The following INSIG1 variants were observed in gnomAD, a reference collection of about 807,000 sequenced individuals.
INSIG1 encodes the protein insulin-induced gene 1 protein.
A neutral mutation model predicts 26.5 loss-of-function variants in INSIG1; 14 were observed. That is an observed-to-expected ratio of 0.53 (90% CI 0.35 to 0.83). The LOEUF (loss-of-function observed/expected upper bound fraction) is 0.83, where lower values mean the gene tolerates loss of function less well. INSIG1 is among the 40% of genes least tolerant of loss of function. The pLI, the probability that INSIG1 is intolerant of heterozygous loss-of-function variation, is 0.01. For synonymous variants in INSIG1, 147 were observed against 153.3 expected, an observed-to-expected ratio of 0.96 and a Z score of 0.30; for missense variants, 272 against 368.9, an observed-to-expected ratio of 0.74 and a Z score of 2.15.
At chr7:155,307,302 G>A (rs550290661) in intron 5 of INSIG1, among the ~76,000 whole-genome samples, 28 of 152,320 alleles carry the variant, frequency 1.8e-4, no homozygotes, top group Non-Finnish European at 3.2e-4. Flanking sequence ...TCAGATGAGA[G>A]GCTCTTGCTG....
At chr7:155,305,140 T>C in intron 5 of INSIG1, among the ~76,000 whole-genome samples, 1 of 145,538 alleles carries the variant, frequency 6.9e-6, no homozygotes, top group East Asian at 2.0e-4. Flanking sequence ...AGCAAGACTC[T>C]GTCTCAAAAA....
intron 2 of INSIG1, among the ~76,000 whole-genome samples, 163 bp downstream of exon 2, chr7:155,298,860 G>T (rs1797708425): frequency 6.6e-6 from 1 of 152,250 alleles, no homozygotes; most frequent in Non-Finnish European, 1.5e-5. Flanking sequence ...GGGGTAGAGA[G>T]GACCTGGCAC....
rs2150904894 is a variant in INSIG1 at position 155,309,657 on chromosome 7, G to A, written c.*1387G>A. On this transcript the variant is annotated 3_prime_UTR_variant, in exon 6 of 6. Coordinates refer to ENST00000340368, the MANE Select transcript of INSIG1 (RefSeq NM_005542.6). ...TGGAAGCTTAGAGGAACTTGCCTGT[G>A]AGCGCTGGTCTTTGTGTTTGGTTTT... The A allele has an allele frequency of 6.6e-6, 1 of 152,314 alleles. No individual in the cohort carries two copies. Among genetic ancestry groups the A allele is most frequent in the East Asian group, 1.9e-4 (1 of 5,182 alleles). The allele number at this position is 152,314 out of a possible 1,614,324, so 9.4% of individuals were successfully genotyped here. A position where few individuals can be genotyped will look rare whatever the true frequency, so the allele number is the denominator to read the frequency against.
chr7:155,302,321 C>T lies in INSIG1; in HGVS notation c.608C>T (p.Thr203Ile), dbSNP rs757992959. ...LAALSLGLWW[T>I]FDRSRSGLGL... The stretch of plus-strand genomic sequence containing the variant: ...GCCCTATCTTTGGGCCTTTGGTGGA[C>T]ATTTGATCGTTCCAGAAGTGGCCTT... Residue 203 changes from threonine (T) to isoleucine (I), a missense_variant, in exon 4 of 6, where the codon ACA (threonine) becomes ATA (isoleucine). Around this residue, in one of 2 missense-constraint regions of INSIG1, gnomAD observed 111 missense variants for 189.8 expected, o/e 0.58. Transcript: ENST00000340368. The surrounding 1 kb of genome is among the most constrained non-coding windows in gnomAD (Gnocchi z 4.3). 6 of 1,609,380 alleles carry T rather than the reference C, an allele frequency of 3.7e-6. No individual in the cohort carries two copies. In the East Asian group the frequency reaches 1.1e-4, roughly 30 times the overall value.
Position 155,298,561 on chromosome 7 carries a change from C to T in INSIG1, c.276C>T (p.Phe92=). ...HRLLQRSLVL[F]SVGVVLALVL... is the part of the protein sequence containing the mutation. Reference sequence around the variant, plus strand: ...TGTTGCAGAGGAGCCTCGTGCTCTTCTCGGTTGGGGTGGTCCTAGCCCTGG... The same window carrying T: ...TGTTGCAGAGGAGCCTCGTGCTCTTTTCGGTTGGGGTGGTCCTAGCCCTGG... Residue 92 remains phenylalanine (F), a synonymous_variant, in exon 2 of 6, where the codon TTC becomes TTT. Coordinates refer to ENST00000340368, the MANE Select transcript of INSIG1 (RefSeq NM_005542.6). 6.2e-7 allele frequency: 1 copy of T among 1,610,446 alleles called. No homozygotes were observed. The highest frequency in any genetic ancestry group is 8.5e-7 in the Non-Finnish European group (1 of 1,178,514).
At chr7:155,304,920 G>A (rs368679555) in intron 5 of INSIG1, among the ~76,000 whole-genome samples, 103 of 151,044 alleles carry the variant, frequency 6.8e-4, no homozygotes, top group Non-Finnish European at 1.1e-3. Flanking sequence ...GGCGGATCAC[G>A]AGGTCAGGAG....
intron 2 of INSIG1, 134 bp downstream of exon 2, chr7:155,298,831 G>A (rs1243252496): frequency 4.1e-6 from 4 of 979,876 alleles, no homozygotes; most frequent in Non-Finnish European, 5.9e-6. Flanking sequence ...CCAGTCTTGG[G>A]ATTTAGAGAA....
chr7:155,298,272 G>A lies in INSIG1; in HGVS notation c.-14G>A. The stretch of plus-strand genomic sequence containing the variant: ...CCCTTCTTCCAGGAAGCGCCTCTTG[G>A]ACGCGTGTGACCGATGCCCAGATTG... On this transcript the variant is annotated 5_prime_UTR_variant, in exon 2 of 6. Coordinates refer to ENST00000340368, the MANE Select transcript of INSIG1 (RefSeq NM_005542.6). 5 of 1,470,356 alleles carry A rather than the reference G, an allele frequency of 3.4e-6. No individual in the cohort carries two copies. The highest frequency in any genetic ancestry group is 3.6e-6 in the Non-Finnish European group (4 of 1,114,952). 91.1% of individuals were successfully genotyped at this position (1,470,356 alleles called of 1,614,324 possible).
chr7:155,301,657 A>G lies in INSIG1; in HGVS notation c.504A>G (p.Ile168Met), dbSNP rs115964577. ...KREWASVMRC[I>M]AVFVGINHAS... ...AATGGGCCAGTGTCATGCGCTGCAT[A>G]GCAGTTTTTGTTGGCATTAACCACG... Residue 168 changes from isoleucine (I) to methionine (M), a missense_variant, in exon 3 of 6, where the codon ATA (isoleucine) becomes ATG (methionine). Physicochemically the swap from Ile to Met is conservative, Grantham distance 10. This residue lies in a region of INSIG1 where 111 missense variants were observed against 189.8 expected (regional missense o/e 0.58). Coordinates refer to ENST00000340368, the MANE Select transcript of INSIG1 (RefSeq NM_005542.6). 1.7e-5 allele frequency: 27 copies of G among 1,602,184 alleles called. No individual in the cohort carries two copies. In the East Asian group the frequency reaches 5.4e-4, roughly 32 times the overall value.
chr7:155,298,460 G>A lies in INSIG1; in HGVS notation c.175G>A (p.Ala59Thr). The A allele has an allele frequency of 6.4e-7, 1 of 1,556,412 alleles. No homozygotes were observed. The highest frequency in any genetic ancestry group is 8.7e-7 in the Non-Finnish European group (1 of 1,152,086). Reference sequence around the variant, plus strand: ...CCACGGTGCCCCGGACGCTGACCCCGCGCCCAGGGGCCGCAGTGCTGCGAT... The same window carrying A: ...CCACGGTGCCCCGGACGCTGACCCCACGCCCAGGGGCCGCAGTGCTGCGAT... ...AAHGAPDADP[A>T]PRGRSAAMSG... Residue 59 changes from alanine to threonine, a missense_variant, in exon 2 of 6, where the codon GCG becomes ACG. Physicochemically the swap from Ala to Thr is moderately conservative, Grantham distance 58 (BLOSUM62 0). Around this residue, in one of 2 missense-constraint regions of INSIG1, gnomAD observed 161 missense variants for 179.2 expected, o/e 0.90. Transcript: ENST00000340368.
chr7:155,298,991 C>A (rs959981536), intron 2 of INSIG1, among the ~76,000 whole-genome samples: 4 of 152,222 alleles, frequency 2.6e-5, no homozygotes. Context: ...GAGGGCCCTT[C>A]CCTCCTGGCG....
intron 5 of INSIG1, 72 bp from the exon 6 acceptor site, chr7:155,308,169 A>G: frequency 5.1e-6 from 4 of 778,886 alleles, no homozygotes; most frequent in Non-Finnish European, 6.5e-6. Flanking sequence ...GACCTACTTA[A>G]TTGGTAATTA....
chr7:155,304,190 G>A (rs939359463), intron 5 of INSIG1, among the ~76,000 whole-genome samples: 1 of 152,276 alleles, frequency 6.6e-6, no homozygotes, highest in African/African-American at 2.4e-5. Flanking sequence ...GCTCGAACTC[G>A]TGGGCTCAAG....
chr7:155,298,094 G>A (rs1299296833), intron 1 of INSIG1, 135 bp downstream of exon 1: 12 of 474,072 alleles, frequency 2.5e-5, no homozygotes, highest in Non-Finnish European at 3.8e-5. Flanking sequence ...GATGCTGCTC[G>A]CTGTGAGCGC....
chr7:155,304,798 T>C (rs957473240), intron 5 of INSIG1, among the ~76,000 whole-genome samples: 1 of 152,166 alleles, frequency 6.6e-6, no homozygotes, highest in African/African-American at 2.4e-5. Flanking sequence ...TCCTTTTTAT[T>C]CTTTAAGCTT....
intron 5 of INSIG1, among the ~76,000 whole-genome samples, chr7:155,303,339 C>T (rs978563236): frequency 1.3e-5 from 2 of 152,338 alleles, no homozygotes; most frequent in Admixed American, 6.5e-5. Flanking sequence ...GAGTCTGTCT[C>T]GGGCCAGGGC....
At chr7:155,306,857 G>A (rs73485867) in intron 5 of INSIG1, among the ~76,000 whole-genome samples, 1,694 of 152,306 alleles carry the variant, frequency 0.011, 28 homozygotes, top group African/African-American at 0.038. Context: ...GCCTGTGTTG[G>A]TGTCTGGGTT....
At chr7:155,303,914 C>G in intron 5 of INSIG1, 1 of 1,319,146 alleles carries the variant, frequency 7.6e-7, no homozygotes, top group Non-Finnish European at 1.0e-6. Context: ...TGCAGTCTTC[C>G]ACTGGTTACT....
chr7:155,302,576 T>C lies in INSIG1; in HGVS notation c.704+159T>C, dbSNP rs2150897624. ...AAAAATGCTGCTATCCATAACTTAA[T>C]GTAACGCAAAGGAAAACCAAGTAGT... On this transcript the variant is annotated intron_variant, in intron 4 of 5. Transcript: ENST00000340368. This position sits in a 1 kb window ranked among gnomAD's most constrained non-coding sequence, Gnocchi z 4.3. 1.0e-6 allele frequency: 1 copy of C among 984,966 alleles called. No individual in the cohort carries two copies. Among genetic ancestry groups the C allele is most frequent in the Non-Finnish European group, 1.5e-6 (1 of 676,974 alleles). 61.0% of individuals were successfully genotyped at this position (984,966 alleles called of 1,614,324 possible).
Sources: allele counts gnomAD v4.1 joint callset (sites outside exome capture counted in the v4.1 genomes callset), GRCh38; gene constraint gnomAD v4.1.1; regional missense constraint gnomAD v4.1.1; non-coding constraint Gnocchi (gnomAD v3.1); transcripts MANE v1.5; gene names NCBI Gene and HGNC (gene_info 2026-07-23, HGNC 2026-07-21).